RGS6: variants seen among roughly 807,000 people sequenced by gnomAD.
RGS6 encodes the protein regulator of G-protein signaling 6.
Under a neutral mutation model 78.5 loss-of-function variants are expected in RGS6, and 30 were observed. That is an observed-to-expected ratio of 0.38 (90% CI 0.29 to 0.52). RGS6 has a LOEUF of 0.52. Ranked by LOEUF, RGS6 falls within the 20% of genes least tolerant of loss-of-function variation. The probability of loss-of-function intolerance (pLI) is 0.85; values close to 1 mark genes in which losing one functional copy is unlikely to be tolerated. For synonymous variants in RGS6, 206 were observed against 206.0 expected (o/e 1.00, Z 0.00); for missense variants, 495 against 609.7 (o/e 0.81, Z 1.98).
intron 2 of RGS6, among the ~76,000 whole-genome samples, chr14:72,002,753 T>A (rs1322029449): frequency 6.6e-6 from 1 of 152,208 alleles, no homozygotes; most frequent in Non-Finnish European, 1.5e-5. Context: ...GCATACATTA[T>A]CCTCTGGACA....
rs113658390 is a variant in RGS6, at chr14:72,052,060, G to T, written c.84+87185G>T. On this transcript the variant is annotated intron_variant, in intron 2 of 17. Coordinates refer to ENST00000553525, the MANE Select transcript of RGS6 (RefSeq NM_001204424.2). ...AGGTGGGACAGTGAATAGAAAGTAG[G>T]CATGCAGGGGACCGAGAAAGATAGG... 5.1e-3 allele frequency among the ~76,000 whole-genome samples: 769 copies of T among 152,244 alleles called. 10 individuals are homozygous for T. Among genetic ancestry groups the T allele is most frequent in the African/African-American group, 0.017 (693 of 41,544 alleles).
At chr14:72,513,338 A>G (rs910221072) in intron 14 of RGS6, among the ~76,000 whole-genome samples, 1 of 152,174 alleles carries the variant, frequency 6.6e-6, no homozygotes, top group Non-Finnish European at 1.5e-5. Context: ...ATAGAAGTTG[A>G]CATCCCCTTT....
intron 10 of RGS6, among the ~76,000 whole-genome samples, chr14:72,475,498 G>A (rs1172108027): frequency 2.6e-5 from 4 of 152,124 alleles, no homozygotes; most frequent in Admixed American, 2.6e-4. Context: ...GGGAGGCCGA[G>A]GTGGGCGGAT....
At chr14:72,523,080 G>A (rs1233545639) in intron 15 of RGS6, among the ~76,000 whole-genome samples, 1 of 152,234 alleles carries the variant, frequency 6.6e-6, no homozygotes, top group Non-Finnish European at 1.5e-5. Context: ...CCCCAGCAAA[G>A]TAGGTGCAGT....
chr14:72,155,849 T>A (rs1326572074), intron 2 of RGS6, among the ~76,000 whole-genome samples: 3 of 152,238 alleles, frequency 2.0e-5, no homozygotes, highest in African/African-American at 7.2e-5. Context: ...TCTGGTATTG[T>A]CATTACTGAC....
intron 2 of RGS6, among the ~76,000 whole-genome samples, chr14:72,174,964 T>G (rs1414823148): frequency 1.3e-5 from 2 of 152,106 alleles, no homozygotes; most frequent in African/African-American, 2.4e-5. Context: ...GTCAGGGTGG[T>G]TGCCTGAGCG....
At chr14:72,132,354 G>A (rs1286341613) in intron 2 of RGS6, among the ~76,000 whole-genome samples, 1 of 150,436 alleles carries the variant, frequency 6.6e-6, no homozygotes, top group Non-Finnish European at 1.5e-5. Flanking sequence ...TCGGCTCACT[G>A]AAACCTCCAC....
chr14:72,502,245 T>G (rs1044872521), intron 13 of RGS6, among the ~76,000 whole-genome samples: 4 of 152,204 alleles, frequency 2.6e-5, no homozygotes, highest in African/African-American at 9.6e-5. Context: ...TAGCCTCTGC[T>G]GAGCTCCTGG....
intron 2 of RGS6, among the ~76,000 whole-genome samples, chr14:72,165,182 C>A (rs530922107): frequency 6.6e-6 from 1 of 152,208 alleles, no homozygotes; most frequent in African/African-American, 2.4e-5. Context: ...GAACATGAGT[C>A]AGGCACAGAC....
At chr14:72,476,166 G>A (rs1447049549) in intron 10 of RGS6, among the ~76,000 whole-genome samples, 5 of 152,148 alleles carry the variant, frequency 3.3e-5, no homozygotes, top group Admixed American at 1.3e-4. Context: ...CTATAGCTAC[G>A]GACATGTGGA....
At chr14:71,872,419 T>C in the RGS6 span, among the ~76,000 whole-genome samples, 1 of 152,170 alleles carries the variant, frequency 6.6e-6, no homozygotes, top group Non-Finnish European at 1.5e-5. Flanking sequence ...AACGCAGTGC[T>C]GTCTTTTCTG....
chr14:72,612,657 C>G, the RGS6 span: 5 of 516,810 alleles, frequency 9.7e-6, no homozygotes, highest in South Asian at 7.0e-5. Flanking sequence ...AAGGGCAAAC[C>G]AAGTCCGTAT....
At chr14:72,119,836 G>A (rs1286784150) in intron 2 of RGS6, among the ~76,000 whole-genome samples, 1 of 152,218 alleles carries the variant, frequency 6.6e-6, no homozygotes, top group Non-Finnish European at 1.5e-5. Context: ...AAGATTTCTA[G>A]AAGGATAGGG....
chr14:72,466,417 A>G (rs568460124), intron 7 of RGS6, among the ~76,000 whole-genome samples: 2 of 152,374 alleles, frequency 1.3e-5, no homozygotes, highest in African/African-American at 4.8e-5. Flanking sequence ...TCATGTTCAC[A>G]CAAACACCTA....
the RGS6 span, among the ~76,000 whole-genome samples, chr14:72,582,938 G>A: frequency 2.3e-4 from 30 of 133,154 alleles, no homozygotes; most frequent in African/African-American, 6.9e-4. Flanking sequence ...TGAATGAGTG[G>A]ACTGAGTAAA....
At chr14:72,266,898 C>T (rs569931212) in intron 2 of RGS6, among the ~76,000 whole-genome samples, 1 of 152,314 alleles carries the variant, frequency 6.6e-6, no homozygotes, top group East Asian at 1.9e-4. Context: ...CAGGGTCTAG[C>T]CAATGGTGGC....
chr14:72,295,164 G>T (rs1196824623), intron 2 of RGS6, among the ~76,000 whole-genome samples: 1 of 150,584 alleles, frequency 6.6e-6, no homozygotes, highest in South Asian at 2.1e-4. Flanking sequence ...AGTGGCGGGC[G>T]CCTGTAGTCC....
chr14:72,591,560 T>G, the RGS6 span, among the ~76,000 whole-genome samples: 1 of 152,176 alleles, frequency 6.6e-6, no homozygotes, highest in Non-Finnish European at 1.5e-5. Flanking sequence ...ACTTGTGGCA[T>G]TAAGGGAACT....
rs756315692 is a variant in RGS6 at position 72,474,613 on chromosome 14, T to G, written c.619-12T>G. The G allele has an allele frequency of 3.8e-6, 6 of 1,597,162 alleles. No homozygotes were observed. In the East Asian group the frequency reaches 8.9e-5, roughly 24 times the overall value. Reference sequence around the variant, plus strand: ...ACGTAGTAATTTATATGATGTGTTTTTTTTTTCTCAGCCAGGCTGTGTGAA... The same window carrying G: ...ACGTAGTAATTTATATGATGTGTTTGTTTTTTCTCAGCCAGGCTGTGTGAA... On this transcript the variant is annotated splice_polypyrimidine_tract_variant and intron_variant, in intron 9 of 17. Coordinates refer to ENST00000553525, the MANE Select transcript of RGS6 (RefSeq NM_001204424.2).
Sources: allele counts gnomAD v4.1 joint callset (sites outside exome capture counted in the v4.1 genomes callset), GRCh38; gene constraint gnomAD v4.1.1; transcripts MANE v1.5; gene names NCBI Gene and HGNC (gene_info 2026-07-23, HGNC 2026-07-21).